Variants in TPMT observed in about 807,000 individuals in gnomAD.
The protein encoded by TPMT is S-adenosyl-L-methionine:thiopurine S-methyltransferase.
In TPMT, 18 loss-of-function variants were observed where a neutral mutation model predicts 34.2. The observed-to-expected ratio is 0.53, with a 90% CI of 0.36 to 0.78. The LOEUF (loss-of-function observed/expected upper bound fraction) is 0.78. TPMT is among the 30% of genes least tolerant of loss of function. The probability of loss-of-function intolerance (pLI) is 0.00; values close to 1 mark genes in which losing one functional copy is unlikely to be tolerated. For synonymous variants in TPMT, 69 were observed against 92.4 expected, an observed-to-expected ratio of 0.75 and a Z score of 1.45; for missense variants, 265 against 288.1, an observed-to-expected ratio of 0.92 and a Z score of 0.58.
At position 18,131,869 on chromosome 6, in the gene TPMT, C is replaced by T. The variant is rs1783951552; in HGVS notation, c.625+264G>A. ...CTTGGCTCACTACACTCTCTGCCTC[C>T]CAGGTTCAAGCAATTCCCATGCCTC... On this transcript the variant is annotated intron_variant, in intron 8 of 8. Transcript: ENST00000309983. The surrounding 1 kb of genome is among the most constrained non-coding windows in gnomAD (Gnocchi z 4.3). Among the ~76,000 whole-genome samples, 1 of 152,100 alleles carries T rather than the reference C, an allele frequency of 6.6e-6. No individual in the cohort carries two copies. The highest frequency in any genetic ancestry group is 6.6e-5 in the Admixed American group (1 of 15,264).
rs1400853435 is a variant in TPMT, at chr6:18,131,763, T to C, written c.625+370A>G. On this transcript the variant is annotated intron_variant, in intron 8 of 8. Coordinates refer to ENST00000309983, the MANE Select transcript of TPMT (RefSeq NM_000367.5). The surrounding 1 kb of genome is among the most constrained non-coding windows in gnomAD (Gnocchi z 4.3). ...TTTATAGACATACTCTAGATACTAA[T>C]ATACTAATAGTTCACAATAGGTTTT... 6.6e-6 allele frequency among the ~76,000 whole-genome samples: 1 copy of C among 152,126 alleles called. No individual in the cohort carries two copies. The highest frequency in any genetic ancestry group is 1.5e-5 in the Non-Finnish European group (1 of 68,026).
Position 18,145,376 on chromosome 6 carries a change from G to A in TPMT, c.234-1648C>T, listed in dbSNP as rs1784230293. On this transcript the variant is annotated intron_variant, in intron 3 of 8. Coordinates refer to ENST00000309983, the MANE Select transcript of TPMT (RefSeq NM_000367.5). The surrounding 1 kb of genome is among the most constrained non-coding windows in gnomAD (Gnocchi z 5.6). ...ATGCTCACTAAGGTAGCTGGGGGAT[G>A]TTGGTGCATTCCATCTATTCATACC... 6.6e-6 allele frequency among the ~76,000 whole-genome samples: 1 copy of A among 152,238 alleles called. No homozygotes were observed. The highest frequency in any genetic ancestry group is 2.4e-5 in the African/African-American group (1 of 41,456).
In TPMT at chr6:18,154,430, C is replaced by G. The variant is rs538331694; in HGVS notation, c.-45+603G>C. ...GCACACATCTTAAAAGAGTATGACT[C>G]GGTGAATTTTTTACATATACATACA... On this transcript the variant is annotated intron_variant, in intron 1 of 8. Transcript: ENST00000309983. This position sits in a 1 kb window ranked among gnomAD's most constrained non-coding sequence, Gnocchi z 4.2. Among the ~76,000 whole-genome samples the G allele has an allele frequency of 1.3e-5, 2 of 152,130 alleles. No homozygotes were observed. The highest frequency in any genetic ancestry group is 2.9e-5 in the Non-Finnish European group (2 of 67,984).
intron 3 of TPMT, among the ~76,000 whole-genome samples, chr6:18,147,193 G>C: frequency 6.6e-6 from 1 of 152,150 alleles, no homozygotes. Context: ...AGGTATGATT[G>C]TATCTGTATA....
Position 18,135,913 on chromosome 6 carries a change from T to C in TPMT, c.495-2024A>G, listed in dbSNP as rs963070584. 2.6e-5 allele frequency among the ~76,000 whole-genome samples: 4 copies of C among 152,088 alleles called. No individual in the cohort carries two copies. Among genetic ancestry groups the C allele is most frequent in the African/African-American group, 9.7e-5 (4 of 41,398 alleles). Reference sequence around the variant, plus strand: ...ACTACCAGTACATAGTAAACTAATATCGCCCTTGCTCAGAGTGCAGTTCAC... The same window carrying C: ...ACTACCAGTACATAGTAAACTAATACCGCCCTTGCTCAGAGTGCAGTTCAC... On this transcript the variant is annotated intron_variant, in intron 6 of 8. Coordinates refer to ENST00000309983, the MANE Select transcript of TPMT (RefSeq NM_000367.5). This position sits in a 1 kb window ranked among gnomAD's most constrained non-coding sequence, Gnocchi z 5.0.
At chr6:18,133,193 T>TA (rs1410239654) in intron 7 of TPMT, among the ~76,000 whole-genome samples, 1 of 152,146 alleles carries the variant, frequency 6.6e-6, no homozygotes, top group African/African-American at 2.4e-5. Flanking sequence ...AGGTGACTCT[T>TA]ACAAATTAAA....
In TPMT at chr6:18,135,324, C is replaced by T. The variant is rs896166637; in HGVS notation, c.495-1435G>A. 3.3e-5 allele frequency among the ~76,000 whole-genome samples: 5 copies of T among 152,164 alleles called. No homozygotes were observed. The highest frequency in any genetic ancestry group is 1.2e-4 in the African/African-American group (5 of 41,436). ...TTCCTAGGACTGAAAGACTTCATTCCTCTTAGAATGTGAAGTTTTTCTCTC... is the reference window on the plus strand; with the variant it reads ...TTCCTAGGACTGAAAGACTTCATTCTTCTTAGAATGTGAAGTTTTTCTCTC... On this transcript the variant is annotated intron_variant, in intron 6 of 8. Transcript: ENST00000309983. This position sits in a 1 kb window ranked among gnomAD's most constrained non-coding sequence, Gnocchi z 5.0.
intron 1 of TPMT, among the ~76,000 whole-genome samples, chr6:18,151,830 G>A (rs1267577731): frequency 6.6e-6 from 1 of 152,070 alleles, no homozygotes; most frequent in African/African-American, 2.4e-5. Flanking sequence ...TAAGGATTCT[G>A]TCGTTGGAGC....
In TPMT at chr6:18,150,994, G is replaced by A. The variant is rs1419811497; in HGVS notation, c.-44-1823C>T. Among the ~76,000 whole-genome samples, 5 of 152,264 alleles carry A rather than the reference G, an allele frequency of 3.3e-5. No individual in the cohort carries two copies. Among genetic ancestry groups the A allele is most frequent in the South Asian group, 2.1e-4 (1 of 4,830 alleles). On this transcript the variant is annotated intron_variant, in intron 1 of 8. Coordinates refer to ENST00000309983, the MANE Select transcript of TPMT (RefSeq NM_000367.5). The surrounding 1 kb of genome is among the most constrained non-coding windows in gnomAD (Gnocchi z 5.3). ...TTCCCAAAGTGCTGGGATTCCAGGC[G>A]TGGGCCACTGAGCCTGGCCATCCCT...
In TPMT at chr6:18,150,294, C is replaced by T. The variant is rs1052748364; in HGVS notation, c.-44-1123G>A. On this transcript the variant is annotated intron_variant, in intron 1 of 8. Coordinates refer to ENST00000309983, the MANE Select transcript of TPMT (RefSeq NM_000367.5). The surrounding 1 kb of genome is among the most constrained non-coding windows in gnomAD (Gnocchi z 5.3). ...CTTCACCTGTTGAGCTATTAGGAGG[C>T]TCTCCAAACCCCATCCTCTTGGGTT... Among the ~76,000 whole-genome samples, 2 of 152,322 alleles carry T rather than the reference C, an allele frequency of 1.3e-5. No homozygotes were observed. Among genetic ancestry groups the T allele is most frequent in the South Asian group, 2.1e-4 (1 of 4,826 alleles).
intron 4 of TPMT, among the ~76,000 whole-genome samples, chr6:18,142,002 G>C (rs891926799): frequency 6.6e-6 from 1 of 152,090 alleles, no homozygotes; most frequent in Non-Finnish European, 1.5e-5. Context: ...TGCATAATAA[G>C]ATTAGGGTGG....
intron 6 of TPMT, among the ~76,000 whole-genome samples, chr6:18,137,972 G>A (rs1467774331): frequency 6.6e-6 from 1 of 152,046 alleles, no homozygotes; most frequent in Non-Finnish European, 1.5e-5. Context: ...TAGAGATGGG[G>A]TTTCACCATG....
chr6:18,143,708 C>G lies in TPMT; in HGVS notation c.254G>C (p.Ser85Thr), dbSNP rs1457901774. ...EMKWFADRGH[S>T]VVGVEISELG... ...TTCACTGATTTCCACACCAACTACA[C>G]TGTGTCCCCGGTCTGCAAACCTGCA... The change falls in exon 4 of 9, where the codon AGT (serine) becomes ACT (threonine). Residue 85 changes from serine (S) to threonine (T), a missense_variant. Coordinates refer to ENST00000309983, the MANE Select transcript of TPMT (RefSeq NM_000367.5). The surrounding 1 kb of genome is among the most constrained non-coding windows in gnomAD (Gnocchi z 6.1). 1 of 1,613,980 alleles carries G rather than the reference C, an allele frequency of 6.2e-7. No homozygotes were observed. Among genetic ancestry groups the G allele is most frequent in the Non-Finnish European group, 8.5e-7 (1 of 1,180,012 alleles).
chr6:18,131,871 A>G lies in TPMT; in HGVS notation c.625+262T>C, dbSNP rs930253343. 2.0e-5 allele frequency among the ~76,000 whole-genome samples: 3 copies of G among 152,036 alleles called. No homozygotes were observed. Among genetic ancestry groups the G allele is most frequent in the African/African-American group, 7.2e-5 (3 of 41,394 alleles). The stretch of plus-strand genomic sequence containing the variant: ...TGGCTCACTACACTCTCTGCCTCCC[A>G]GGTTCAAGCAATTCCCATGCCTCAG... On this transcript the variant is annotated intron_variant, in intron 8 of 8. Transcript: ENST00000309983. This position sits in a 1 kb window ranked among gnomAD's most constrained non-coding sequence, Gnocchi z 4.3.
Position 18,135,486 on chromosome 6 carries a change from GA to G in TPMT, c.495-1598del, listed in dbSNP as rs1269076290. Among the ~76,000 whole-genome samples the G allele has an allele frequency of 2.0e-5, 3 of 152,150 alleles. No individual in the cohort carries two copies. The East Asian group carries it at 5.8e-4, about 29-fold the overall frequency. ...TAAGGAGAAGACACCCAGTCCTAAC[GA>G]AAGCACCAATATAATGTGCTAACAT... is the stretch of plus-strand genomic sequence containing the variant. On this transcript the variant is annotated intron_variant, in intron 6 of 8. Transcript: ENST00000309983. This position sits in a 1 kb window ranked among gnomAD's most constrained non-coding sequence, Gnocchi z 5.0.
In TPMT at chr6:18,150,072, C is replaced by A. The variant is rs968338; in HGVS notation, c.-44-901G>T. On this transcript the variant is annotated intron_variant, in intron 1 of 8. Coordinates refer to ENST00000309983, the MANE Select transcript of TPMT (RefSeq NM_000367.5). The surrounding 1 kb of genome is among the most constrained non-coding windows in gnomAD (Gnocchi z 5.3). ...GTTGGGGGCTCAGTCCCTAAGATTT[C>A]CCTCCTCACTTAGACACCAGTTGCA... is the stretch of plus-strand genomic sequence containing the variant. Among the ~76,000 whole-genome samples, 1,200 of 152,278 alleles carry A rather than the reference C, an allele frequency of 7.9e-3. 15 individuals are homozygous for A. The highest frequency in any genetic ancestry group is 0.028 in the African/African-American group (1,154 of 41,548).
rs1290932770 is a variant in TPMT at position 18,146,456 on chromosome 6, A to C, written c.233+1367T>G. Among the ~76,000 whole-genome samples the C allele has an allele frequency of 6.6e-6, 1 of 152,016 alleles. No individual in the cohort carries two copies. Among genetic ancestry groups the C allele is most frequent in the Non-Finnish European group, 1.5e-5 (1 of 68,000 alleles). ...CTCAAGTGATCCGCTCACCTAATTA[A>C]AGGTGTGAGCCACCGCACCTGGCCA... is the stretch of plus-strand genomic sequence containing the variant. On this transcript the variant is annotated intron_variant, in intron 3 of 8. Transcript: ENST00000309983. The surrounding 1 kb of genome is among the most constrained non-coding windows in gnomAD (Gnocchi z 6.2).
intron 7 of TPMT, among the ~76,000 whole-genome samples, chr6:18,133,401 A>G (rs904890708): frequency 1.3e-5 from 2 of 152,188 alleles, no homozygotes; most frequent in Admixed American, 1.3e-4. Flanking sequence ...CCCCATATTC[A>G]CTTCTCACCC....
chr6:18,152,433 A>C (rs1468187678), intron 1 of TPMT, among the ~76,000 whole-genome samples: 1 of 152,158 alleles, frequency 6.6e-6, no homozygotes, highest in African/African-American at 2.4e-5. Context: ...TCTCTACTCC[A>C]CACATTTGTA....
Sources: allele counts gnomAD v4.1 joint callset (sites outside exome capture counted in the v4.1 genomes callset), GRCh38; gene constraint gnomAD v4.1.1; non-coding constraint Gnocchi (gnomAD v3.1); transcripts MANE v1.5; gene names NCBI Gene and HGNC (gene_info 2026-07-23, HGNC 2026-07-21).